PDE1C: variants seen among roughly 807,000 people sequenced by gnomAD.
PDE1C encodes the protein phosphodiesterase 1C.
A neutral mutation model predicts 93.1 loss-of-function variants in PDE1C; 62 were observed. The ratio of observed to expected loss-of-function variants is 0.67; its 90% confidence interval spans 0.54 to 0.82. PDE1C has a LOEUF of 0.82. Among genes scored for constraint, PDE1C ranks in the 40% least tolerant of loss-of-function variants. The pLI is 0.00. For missense variants in PDE1C, 742 were observed against 884.6 expected (o/e 0.84, Z 2.04); for synonymous variants, 325 against 310.1 (o/e 1.05, Z -0.50).
intron 5 of PDE1C, among the ~76,000 whole-genome samples, chr7:31,877,450 T>C (rs1562958327): frequency 6.6e-6 from 1 of 152,064 alleles, no homozygotes; most frequent in Non-Finnish European, 1.5e-5. Context: ...TCTCAGGCCA[T>C]ACGTTCATGC....
rs528599704 is a variant in PDE1C, at chr7:32,337,794, A to G, written c.310+90028T>C. Among the ~76,000 whole-genome samples, 16 of 151,932 alleles carry G rather than the reference A, an allele frequency of 1.1e-4. No homozygotes were observed. In the East Asian group the frequency reaches 2.9e-3, roughly 28 times the overall value. On this transcript the variant is annotated intron_variant, in intron 1 of 1. Coordinates refer to the PDE1C transcript ENST00000672256. The stretch of plus-strand genomic sequence containing the variant: ...AGTTTTTAGAGGTCAAAAAGATGGG[A>G]AAAAAAACAATGAGAAAAAAAGATG...
intron 1 of PDE1C, among the ~76,000 whole-genome samples, chr7:32,305,127 C>T (rs1027239434): frequency 2.6e-5 from 4 of 152,180 alleles, no homozygotes; most frequent in East Asian, 1.9e-4. Context: ...GCTTGCACAG[C>T]GCCTGCTCAA....
chr7:31,926,734 C>T (rs1306513272), intron 2 of PDE1C, among the ~76,000 whole-genome samples: 1 of 152,178 alleles, frequency 6.6e-6, no homozygotes, highest in East Asian at 1.9e-4. Flanking sequence ...AGGGACTGTG[C>T]TGTGAGGGAC....
chr7:31,642,897 G>A, the PDE1C span: 1 of 1,614,030 alleles, frequency 6.2e-7, no homozygotes, highest in South Asian at 1.1e-5. Context: ...TTCTGCTTGA[G>A]GCCATGGAGG....
chr7:32,176,302 C>T (rs1802983625), intron 2 of PDE1C, among the ~76,000 whole-genome samples: 1 of 151,784 alleles, frequency 6.6e-6, no homozygotes, highest in Admixed American at 6.6e-5. Context: ...AAAAAAAAAC[C>T]GCATGAGTCT....
At chr7:32,233,298 G>A (rs186357031) in intron 1 of PDE1C, among the ~76,000 whole-genome samples, 1 of 152,186 alleles carries the variant, frequency 6.6e-6, no homozygotes, top group East Asian at 1.9e-4. Context: ...TGGACAAACA[G>A]AAAATTAATA....
chr7:31,954,886 G>A (rs1404993049), intron 2 of PDE1C, among the ~76,000 whole-genome samples: 3 of 152,220 alleles, frequency 2.0e-5, no homozygotes, highest in African/African-American at 4.8e-5. Context: ...GTACACAGAT[G>A]TAAGTTTGAA....
At chr7:31,855,427 T>C (rs1466866258) in intron 7 of PDE1C, among the ~76,000 whole-genome samples, 1 of 152,126 alleles carries the variant, frequency 6.6e-6, no homozygotes, top group East Asian at 1.9e-4. Flanking sequence ...AATCTCCCTA[T>C]TTAAATTCTT....
Position 32,424,372 on chromosome 7 carries a change from C to T in PDE1C, c.310+3450G>A, listed in dbSNP as rs549460728. Reference sequence around the variant, plus strand: ...GGCTTTAATTACCATCCCAGTAATACCCAAGGTGACAGTTTCTCTCTTAAT... The same window carrying T: ...GGCTTTAATTACCATCCCAGTAATATCCAAGGTGACAGTTTCTCTCTTAAT... On this transcript the variant is annotated intron_variant, in intron 1 of 1. Coordinates refer to the PDE1C transcript ENST00000672256. 3.9e-5 allele frequency among the ~76,000 whole-genome samples: 6 copies of T among 152,306 alleles called. No individual in the cohort carries two copies. In the East Asian group the frequency reaches 1.2e-3, roughly 29 times the overall value.
the PDE1C span, among the ~76,000 whole-genome samples, chr7:31,661,933 A>G: frequency 5.3e-5 from 8 of 152,118 alleles, no homozygotes; most frequent in African/African-American, 1.7e-4. Context: ...TGATTCTCCA[A>G]GTGCAGATGG....
the PDE1C span, among the ~76,000 whole-genome samples, chr7:31,695,184 G>T: frequency 6.6e-6 from 1 of 152,134 alleles, no homozygotes; most frequent in Admixed American, 6.6e-5. Context: ...CCACTCTGTG[G>T]CTTGCCGGAC....
intron 1 of PDE1C, among the ~76,000 whole-genome samples, chr7:32,065,360 C>A (rs1162475674): frequency 2.0e-5 from 3 of 152,220 alleles, no homozygotes; most frequent in Non-Finnish European, 4.4e-5. Context: ...AAAAGGCTGA[C>A]ATCAATGAAA....
chr7:31,755,778 G>C (rs1160368950), intron 17 of PDE1C, among the ~76,000 whole-genome samples: 1 of 152,124 alleles, frequency 6.6e-6, no homozygotes, highest in Non-Finnish European at 1.5e-5. Context: ...AAATAATTGT[G>C]GGAGAATAAT....
chr7:32,270,392 G>C (rs1221285577), intron 1 of PDE1C, among the ~76,000 whole-genome samples: 1 of 151,466 alleles, frequency 6.6e-6, no homozygotes, highest in Non-Finnish European at 1.5e-5. Flanking sequence ...TTTTTCTCTA[G>C]ATGATTGTGT....
At chr7:31,815,704 C>G (rs1788156047) in intron 15 of PDE1C, among the ~76,000 whole-genome samples, 1 of 152,064 alleles carries the variant, frequency 6.6e-6, no homozygotes, top group African/African-American at 2.4e-5. Context: ...CTGGAAATGG[C>G]CAGAAAGGTA....
At chr7:31,898,070 C>A (rs1799534872) in intron 2 of PDE1C, among the ~76,000 whole-genome samples, 1 of 148,522 alleles carries the variant, frequency 6.7e-6, no homozygotes, top group South Asian at 2.2e-4. Flanking sequence ...GTTTACTATA[C>A]TGAAAAATGT....
At chr7:32,128,927 A>ACCCC (rs1799750964) in intron 3 of PDE1C, among the ~76,000 whole-genome samples, 1 of 99,786 alleles carries the variant, frequency 1.0e-5, no homozygotes, top group African/African-American at 4.7e-5. Flanking sequence ...ATATATATAT[A>ACCCC]TATATATATA....
At chr7:31,896,600 T>C (rs1471023591) in intron 2 of PDE1C, among the ~76,000 whole-genome samples, 1 of 152,214 alleles carries the variant, frequency 6.6e-6, no homozygotes, top group Admixed American at 6.5e-5. Flanking sequence ...ACAGAAGATC[T>C]CTTGAAGAAG....
rs1312002279 is a variant in PDE1C at position 31,974,630 on chromosome 7, G to T, written c.128+76924C>A. Reference sequence around the variant, plus strand: ...CACATATAACCTTAATGGATAAAAGGCAGGGAGGGAGGGAGGGCTAGCCAA... The same window carrying T: ...CACATATAACCTTAATGGATAAAAGTCAGGGAGGGAGGGAGGGCTAGCCAA... On this transcript the variant is annotated intron_variant, in intron 2 of 17. Transcript: ENST00000396191. Among the ~76,000 whole-genome samples the T allele has an allele frequency of 4.6e-5, 7 of 151,828 alleles. No homozygotes were observed. In the East Asian group the frequency reaches 1.2e-3, roughly 25 times the overall value.
Sources: allele counts gnomAD v4.1 joint callset (sites outside exome capture counted in the v4.1 genomes callset), GRCh38; gene constraint gnomAD v4.1.1; transcripts MANE v1.5; gene names NCBI Gene and HGNC (gene_info 2026-07-23, HGNC 2026-07-21).